Variants in TRAF3 observed in about 807,000 individuals in gnomAD.
The protein encoded by TRAF3 is TNF receptor associated factor 3.
TRAF3 carries 13 observed loss-of-function variants against 62.3 expected under a neutral mutation model. That is an observed-to-expected ratio of 0.21 (90% confidence interval 0.14 to 0.33). TRAF3 has a LOEUF of 0.33. Among genes scored for constraint, TRAF3 ranks in the 10% least tolerant of loss-of-function variants. The probability of loss-of-function intolerance (pLI) is 1.00; values close to 1 mark genes in which losing one functional copy is unlikely to be tolerated. For missense variants in TRAF3, 440 were observed against 741.8 expected (o/e 0.59, Z 4.73); for synonymous variants, 269 against 283.4 (o/e 0.95, Z 0.51).
At chr14:102,850,719 G>A (rs1211802474) in intron 2 of TRAF3, among the ~76,000 whole-genome samples, 1 of 138,448 alleles carries the variant, frequency 7.2e-6, no homozygotes, top group Admixed American at 7.3e-5. Context: ...AAAAGTTACA[G>A]CGCTCAGAGT....
intron 1 of TRAF3, among the ~76,000 whole-genome samples, chr14:102,820,963 G>T (rs1234581689): frequency 6.6e-6 from 1 of 151,882 alleles, no homozygotes; most frequent in Non-Finnish European, 1.5e-5. Context: ...ATGTTTCATT[G>T]CCAAGCCTGC....
chr14:102,869,564 T>C (rs1465955579), intron 2 of TRAF3, among the ~76,000 whole-genome samples: 1 of 152,110 alleles, frequency 6.6e-6, no homozygotes, highest in Non-Finnish European at 1.5e-5. Flanking sequence ...CCCAGCACTT[T>C]GGGAGGCTGA....
At chr14:102,830,715 C>T (rs1900629313) in intron 2 of TRAF3, among the ~76,000 whole-genome samples, 2 of 152,104 alleles carry the variant, frequency 1.3e-5, no homozygotes, top group African/African-American at 2.4e-5. Context: ...GGTGCATAGC[C>T]GAGCCTGCAA....
chr14:102,840,798 A>G (rs749439703), intron 2 of TRAF3, among the ~76,000 whole-genome samples: 36 of 152,322 alleles, frequency 2.4e-4, no homozygotes, highest in Non-Finnish European at 4.4e-4. Flanking sequence ...AAAACCAGAC[A>G]AAATATATGA....
intron 6 of TRAF3, among the ~76,000 whole-genome samples, chr14:102,885,857 C>T (rs1181436251): frequency 6.6e-6 from 1 of 152,148 alleles, no homozygotes; most frequent in East Asian, 1.9e-4. Context: ...CTGAGCATTG[C>T]ACGATAGGGG....
At chr14:102,851,572 G>A (rs555315201) in intron 2 of TRAF3, among the ~76,000 whole-genome samples, 14 of 152,274 alleles carry the variant, frequency 9.2e-5, no homozygotes, top group East Asian at 7.7e-4. Context: ...GTGAAAGCCC[G>A]TCTCTACTAA....
intron 1 of TRAF3, among the ~76,000 whole-genome samples, chr14:102,814,535 C>A (rs974920616): frequency 6.6e-6 from 1 of 151,860 alleles, no homozygotes; most frequent in Middle Eastern, 3.2e-3. Flanking sequence ...TTTTTTCCCC[C>A]CCAAGACAGG....
At chr14:102,846,638 T>TAAAAAAAAAAAAAAAA (rs752922791) in intron 2 of TRAF3, among the ~76,000 whole-genome samples, 1 of 71,786 alleles carries the variant, frequency 1.4e-5, no homozygotes, top group African/African-American at 6.3e-5. Flanking sequence ...TCCAGCTTCT[T>TAAAAAAAAAAAAAAAA]AAAAAAAAAA....
intron 4 of TRAF3, among the ~76,000 whole-genome samples, chr14:102,873,883 T>A: frequency 6.6e-6 from 1 of 152,204 alleles, no homozygotes; most frequent in East Asian, 1.9e-4. Context: ...TAAGCTCCTG[T>A]TATTCCACTT....
chr14:102,891,249 A>T (rs1889696101), intron 8 of TRAF3, 76 bp from the exon 9 acceptor site: 2 of 1,342,488 alleles, frequency 1.5e-6, no homozygotes, highest in Admixed American at 3.8e-5. Flanking sequence ...TGCTGCTTTT[A>T]GGGTCGTATG....
chr14:102,782,353 C>A (rs1342041881), intron 1 of TRAF3, among the ~76,000 whole-genome samples: 3 of 152,080 alleles, frequency 2.0e-5, no homozygotes, highest in African/African-American at 7.2e-5. Context: ...CCTGCCTTAG[C>A]CTCCTAAGTA....
intron 2 of TRAF3, among the ~76,000 whole-genome samples, chr14:102,858,475 A>G (rs1202612208): frequency 1.3e-5 from 2 of 152,120 alleles, no homozygotes; most frequent in African/African-American, 4.8e-5. Flanking sequence ...TTCTAATGTC[A>G]CAATCTCCAA....
At chr14:102,800,490 A>G (rs963202465) in intron 1 of TRAF3, among the ~76,000 whole-genome samples, 3 of 152,226 alleles carry the variant, frequency 2.0e-5, no homozygotes, top group Non-Finnish European at 1.5e-5. Flanking sequence ...ACCGTAGCAC[A>G]TAAAGTGAGT....
At chr14:102,793,609 C>G (rs1897918138) in intron 1 of TRAF3, among the ~76,000 whole-genome samples, 2 of 152,208 alleles carry the variant, frequency 1.3e-5, no homozygotes, top group Non-Finnish European at 2.9e-5. Context: ...CTCTTCTCAA[C>G]ACAGACACAT....
chr14:102,795,619 T>TGCGCGC (rs1566740642), intron 1 of TRAF3, among the ~76,000 whole-genome samples: 7 of 151,850 alleles, frequency 4.6e-5, no homozygotes, highest in African/African-American at 1.7e-4. Flanking sequence ...TGTGTGTGTG[T>TGCGCGC]GCATAGTTTT....
chr14:102,873,331 T>C (rs1888451252), intron 4 of TRAF3, among the ~76,000 whole-genome samples: 1 of 152,198 alleles, frequency 6.6e-6, no homozygotes. Flanking sequence ...GCTTGGTTAG[T>C]TCCTTGAGTG....
At chr14:102,871,999 C>T in intron 4 of TRAF3, 31 bp downstream of exon 4, 1 of 1,603,740 alleles carries the variant, frequency 6.2e-7, no homozygotes, top group Non-Finnish European at 8.5e-7. Flanking sequence ...ATCATTTTGT[C>T]ACATGTTTTC....
intron 1 of TRAF3, among the ~76,000 whole-genome samples, chr14:102,782,135 C>T (rs188258935): frequency 9.3e-4 from 141 of 152,086 alleles, no homozygotes; most frequent in African/African-American, 2.9e-3. Flanking sequence ...GACAGGGTTT[C>T]GCCATGTTGG....
chr14:102,825,872 G>A (rs1426655853), intron 1 of TRAF3, among the ~76,000 whole-genome samples: 2 of 152,196 alleles, frequency 1.3e-5, no homozygotes, highest in African/African-American at 4.8e-5. Flanking sequence ...CTGAAGCACG[G>A]TGATGGCAAA....
Sources: allele counts gnomAD v4.1 joint callset (sites outside exome capture counted in the v4.1 genomes callset), GRCh38; gene constraint gnomAD v4.1.1; transcripts MANE v1.5; gene names NCBI Gene and HGNC (gene_info 2026-07-23, HGNC 2026-07-21).